TMEM200A: variants seen among roughly 807,000 people sequenced by gnomAD.
TMEM200A encodes two transmembrane C.
TMEM200A carries 12 observed loss-of-function variants against 24.3 expected under a neutral mutation model. That is an observed-to-expected ratio of 0.49 (90% CI 0.32 to 0.80). The LOEUF is 0.80. Ranked by LOEUF, TMEM200A falls within the 30% of genes least tolerant of loss-of-function variation. The pLI is 0.04. For missense variants in TMEM200A, 545 were observed against 614.4 expected, an observed-to-expected ratio of 0.89 and a Z score of 1.19; for synonymous variants, 224 against 224.4, an observed-to-expected ratio of 1.00 and a Z score of 0.02.
At chr6:130,435,786 G>A (rs771602267) in intron 2 of TMEM200A, among the ~76,000 whole-genome samples, 1 of 152,312 alleles carries the variant, frequency 6.6e-6, no homozygotes, top group African/African-American at 2.4e-5. Flanking sequence ...TTGAATCTTT[G>A]AGGGAATAAG....
intron 1 of TMEM200A, among the ~76,000 whole-genome samples, chr6:130,373,737 G>C (rs577306425): frequency 6.6e-6 from 1 of 152,160 alleles, no homozygotes; most frequent in East Asian, 1.9e-4. Context: ...CTTTTAAAAA[G>C]ATTCGTGGAA....
chr6:130,437,704 C>T (rs542081248), intron 2 of TMEM200A: 6 of 152,264 alleles, frequency 3.9e-5, no homozygotes, highest in Non-Finnish European at 8.8e-5. Context: ...TATCCATTTT[C>T]ATACTTTTAA....
At chr6:130,406,021 T>C (rs1583202880) in intron 2 of TMEM200A, among the ~76,000 whole-genome samples, 1 of 152,220 alleles carries the variant, frequency 6.6e-6, no homozygotes, top group East Asian at 1.9e-4. Flanking sequence ...TGGGAATAGA[T>C]GATCCTCTTC....
chr6:130,412,511 G>T (rs1188117820), intron 2 of TMEM200A, among the ~76,000 whole-genome samples: 1 of 152,042 alleles, frequency 6.6e-6, no homozygotes, highest in Non-Finnish European at 1.5e-5. Flanking sequence ...TCCTCTCTTG[G>T]CTTGGGCTCT....
Position 130,442,503 on chromosome 6 carries a change from A to G in TMEM200A, c.*605A>G, listed in dbSNP as rs1290077758. ...TCACTTCTGTTTTTAGTGATATTAT[A>G]TCAAGAAACAACGTATTCAAGAGCC... On this transcript the variant is annotated 3_prime_UTR_variant, in exon 3 of 3. Coordinates refer to ENST00000296978, the MANE Select transcript of TMEM200A (RefSeq NM_001258277.2). 3 of 166,518 alleles carry G rather than the reference A, an allele frequency of 1.8e-5. No individual in the cohort carries two copies. The highest frequency in any genetic ancestry group is 4.4e-5 in the Non-Finnish European group (3 of 68,104). 10.3% of individuals were successfully genotyped at this position (166,518 alleles called of 1,614,324 possible). A position where few individuals can be genotyped will look rare whatever the true frequency, so the allele number is the denominator to read the frequency against.
intron 2 of TMEM200A, among the ~76,000 whole-genome samples, chr6:130,436,368 G>A (rs952228427): frequency 2.0e-5 from 3 of 151,358 alleles, no homozygotes; most frequent in Admixed American, 1.3e-4. Flanking sequence ...TTACAGTGAG[G>A]AGACTAGTTA....
At chr6:130,391,097 T>C (rs892470422) in intron 2 of TMEM200A, among the ~76,000 whole-genome samples, 11 of 152,176 alleles carry the variant, frequency 7.2e-5, no homozygotes, top group Non-Finnish European at 1.5e-5. Context: ...GATGTAAATA[T>C]CAGTTTACCT....
At chr6:130,422,176 C>T (rs1779609726) in intron 2 of TMEM200A, among the ~76,000 whole-genome samples, 1 of 152,124 alleles carries the variant, frequency 6.6e-6, no homozygotes, top group Non-Finnish European at 1.5e-5. Context: ...CTACAGTGTA[C>T]AAGGGTTCCC....
chr6:130,367,345 T>C (rs1220491512), intron 1 of TMEM200A, among the ~76,000 whole-genome samples: 1 of 152,222 alleles, frequency 6.6e-6, no homozygotes, highest in East Asian at 1.9e-4. Context: ...GAAGTAGTTA[T>C]GGACAACTGC....
At chr6:130,404,988 G>A (rs991042225) in intron 2 of TMEM200A, among the ~76,000 whole-genome samples, 2 of 152,066 alleles carry the variant, frequency 1.3e-5, no homozygotes, top group Admixed American at 6.6e-5. Flanking sequence ...TTATTTCTGG[G>A]ATTTCTATTC....
chr6:130,416,540 C>G lies in TMEM200A; in HGVS notation c.-16-23867C>G, dbSNP rs527395696. Among the ~76,000 whole-genome samples, 6 of 152,248 alleles carry G rather than the reference C, an allele frequency of 3.9e-5. No individual in the cohort carries two copies. The South Asian group carries it at 1.2e-3, about 32-fold the overall frequency. ...TCTTGATAGCTGCTCATCTTTACTG[C>G]CCACACCCAGTGTCAAGGTCTTCGT... On this transcript the variant is annotated intron_variant, in intron 2 of 2. Transcript: ENST00000296978.
intron 2 of TMEM200A, among the ~76,000 whole-genome samples, chr6:130,413,003 A>G (rs1779366906): frequency 6.6e-6 from 1 of 152,232 alleles, no homozygotes. Flanking sequence ...ATATGTATGT[A>G]CAATAAATTA....
intron 2 of TMEM200A, among the ~76,000 whole-genome samples, chr6:130,392,000 C>T (rs62432234): frequency 0.15 from 22,290 of 152,076 alleles, 1,847 homozygotes; most frequent in East Asian, 0.35. Flanking sequence ...GCCTTGGCCT[C>T]CCAAAGTGCT....
intron 2 of TMEM200A, among the ~76,000 whole-genome samples, chr6:130,424,703 G>A (rs1054637317): frequency 1.3e-5 from 2 of 152,058 alleles, no homozygotes; most frequent in African/African-American, 4.8e-5. Flanking sequence ...TGTTATCCCT[G>A]GATCACCAAG....
At chr6:130,413,265 A>T (rs73626737) in intron 2 of TMEM200A, among the ~76,000 whole-genome samples, 2,652 of 152,218 alleles carry the variant, frequency 0.017, 75 homozygotes, top group African/African-American at 0.057. Flanking sequence ...CTTTTATCTC[A>T]ATTGTGTTGT....
intron 2 of TMEM200A, among the ~76,000 whole-genome samples, chr6:130,423,049 G>A (rs1292982061): frequency 2.6e-5 from 4 of 152,208 alleles, no homozygotes; most frequent in African/African-American, 9.6e-5. Context: ...AAAGATGTAT[G>A]TGACTTTGAA....
intron 2 of TMEM200A, chr6:130,438,441 A>G (rs1006083400): frequency 2.0e-5 from 3 of 152,220 alleles, no homozygotes; most frequent in East Asian, 1.9e-4. Context: ...AAATTTGCCA[A>G]AGACCTTGTG....
chr6:130,428,299 T>C (rs545414667), intron 2 of TMEM200A, among the ~76,000 whole-genome samples: 6 of 152,304 alleles, frequency 3.9e-5, no homozygotes, highest in Admixed American at 2.6e-4. Context: ...AAAAGGTATA[T>C]GGGAATTCTT....
intron 1 of TMEM200A, among the ~76,000 whole-genome samples, chr6:130,370,824 T>C (rs1017011515): frequency 6.6e-6 from 1 of 152,184 alleles, no homozygotes; most frequent in Non-Finnish European, 1.5e-5. Context: ...CCAAAAGCCC[T>C]GCCCATCTAG....
Sources: allele counts gnomAD v4.1 joint callset (sites outside exome capture counted in the v4.1 genomes callset), GRCh38; gene constraint gnomAD v4.1.1; transcripts MANE v1.5; gene names NCBI Gene and HGNC (gene_info 2026-07-23, HGNC 2026-07-21).